The following PCDH15 variants were observed in gnomAD, a reference collection of about 807,000 sequenced individuals.
PCDH15 encodes protocadherin-15.
In PCDH15, 129 loss-of-function variants were observed where a neutral mutation model predicts 178.5. The observed-to-expected ratio is 0.72, with a 90% CI of 0.63 to 0.84. The LOEUF (loss-of-function observed/expected upper bound fraction) is 0.84. Ranked by LOEUF, PCDH15 falls within the 40% of genes least tolerant of loss-of-function variation. PCDH15 has a pLI of 0.00. For synonymous variants in PCDH15, 800 were observed against 732.0 expected (o/e 1.09, Z -1.50); for missense variants, 2,230 against 2,099.9 (o/e 1.06, Z -1.21).
chr10:53,887,218 C>T (rs769349692), intron 26 of PCDH15, among the ~76,000 whole-genome samples: 23 of 152,138 alleles, frequency 1.5e-4, no homozygotes, highest in Middle Eastern at 3.2e-3. Flanking sequence ...AGTATTTCGT[C>T]TTCCTAAAAC....
chr10:54,517,923 G>T (rs935308733), intron 3 of PCDH15, among the ~76,000 whole-genome samples: 1 of 151,922 alleles, frequency 6.6e-6, no homozygotes, highest in African/African-American at 2.4e-5. Context: ...AAAACCACTC[G>T]ACTACATGGA....
chr10:53,821,211 A>G, intron 32 of PCDH15: 1 of 965,196 alleles, frequency 1.0e-6, no homozygotes, highest in Non-Finnish European at 1.2e-6. Context: ...ATCCATAAGC[A>G]TACTACTAAA....
intron 2 of PCDH15, among the ~76,000 whole-genome samples, chr10:54,655,280 G>GAGAGAGAGAGAGAC (rs2094362405): frequency 8.0e-6 from 1 of 125,446 alleles, no homozygotes; most frequent in Admixed American, 7.5e-5. Flanking sequence ...GAGAGAGAGA[G>GAGAGAGAGAGAGAC]AGAGAGAGAG....
intron 4 of PCDH15, among the ~76,000 whole-genome samples, chr10:54,374,645 TCTTCC>T (rs1011781594): frequency 6.6e-6 from 1 of 152,130 alleles, no homozygotes. Context: ...ATTTTGTAAC[TCTTCC>T]TTTCTTTTTT....
intron 2 of PCDH15, among the ~76,000 whole-genome samples, chr10:55,101,736 A>G (rs1842581763): frequency 6.6e-6 from 1 of 151,516 alleles, no homozygotes; most frequent in Non-Finnish European, 1.5e-5. Context: ...ATATATAGAA[A>G]CATATATAAT....
At chr10:54,604,195 T>C (rs2092655356) in intron 2 of PCDH15, among the ~76,000 whole-genome samples, 1 of 151,990 alleles carries the variant, frequency 6.6e-6, no homozygotes, top group Non-Finnish European at 1.5e-5. Flanking sequence ...TGTTATCTAA[T>C]AGGTGATCTA....
At chr10:55,460,340 T>C (rs900583273) in intron 2 of PCDH15, among the ~76,000 whole-genome samples, 10 of 152,060 alleles carry the variant, frequency 6.6e-5, no homozygotes, top group Non-Finnish European at 4.4e-5. Flanking sequence ...GCACATTTAA[T>C]GTAGTAGGCA....
chr10:54,455,124 A>G (rs1250945195), intron 3 of PCDH15, among the ~76,000 whole-genome samples: 1 of 152,094 alleles, frequency 6.6e-6, no homozygotes, highest in East Asian at 1.9e-4. Context: ...ATATGATTGT[A>G]TGTTTCCTGA....
chr10:54,513,957 C>T (rs2081960256), intron 3 of PCDH15, among the ~76,000 whole-genome samples: 1 of 152,206 alleles, frequency 6.6e-6, no homozygotes, highest in South Asian at 2.1e-4. Context: ...ATATTAGCCA[C>T]AGGCTTGCAT....
At chr10:55,243,999 T>C (rs977833241) in intron 1 of PCDH15, among the ~76,000 whole-genome samples, 13 of 152,076 alleles carry the variant, frequency 8.5e-5, no homozygotes, top group Non-Finnish European at 2.9e-5. Context: ...CTGGATTTTA[T>C]ATATTATATA....
chr10:54,300,156 A>G (rs972712502), intron 8 of PCDH15, among the ~76,000 whole-genome samples: 1 of 152,120 alleles, frequency 6.6e-6, no homozygotes, highest in Non-Finnish European at 1.5e-5. Flanking sequence ...TTAGGGGAAG[A>G]GTGTTGTTTT....
At chr10:55,395,727 A>G (rs928033478) in intron 2 of PCDH15, among the ~76,000 whole-genome samples, 1 of 152,090 alleles carries the variant, frequency 6.6e-6, no homozygotes, top group Non-Finnish European at 1.5e-5. Context: ...GTATTATTTT[A>G]CATTGTTAAA....
chr10:54,022,019 T>C (rs777466239), intron 19 of PCDH15, among the ~76,000 whole-genome samples: 2 of 152,102 alleles, frequency 1.3e-5, no homozygotes, highest in Admixed American at 6.6e-5. Flanking sequence ...TTTAGATTTG[T>C]TAATGTTTAT....
At chr10:54,623,950 G>T (rs1279976095) in intron 2 of PCDH15, among the ~76,000 whole-genome samples, 1 of 152,012 alleles carries the variant, frequency 6.6e-6, no homozygotes, top group Non-Finnish European at 1.5e-5. Flanking sequence ...ATTTTAAAAT[G>T]AAATCATATG....
intron 5 of PCDH15, among the ~76,000 whole-genome samples, chr10:54,352,332 T>G (rs75047508): frequency 0.025 from 3,823 of 152,208 alleles, 156 homozygotes; most frequent in African/African-American, 0.087. Context: ...TAATACCTCT[T>G]CAACTGGAAG....
chr10:55,608,830 C>T (rs1295179703), intron 2 of PCDH15, among the ~76,000 whole-genome samples: 1 of 151,968 alleles, frequency 6.6e-6, no homozygotes, highest in Non-Finnish European at 1.5e-5. Flanking sequence ...CCTGGCATTT[C>T]ATTATCTGGA....
chr10:54,634,954 C>G (rs2093808283), intron 2 of PCDH15, among the ~76,000 whole-genome samples: 1 of 151,564 alleles, frequency 6.6e-6, no homozygotes, highest in South Asian at 2.1e-4. Flanking sequence ...TACACGGCCT[C>G]TTTAGGAAGA....
At chr10:54,879,466 G>T (rs987062114) in intron 3 of PCDH15, among the ~76,000 whole-genome samples, 6 of 152,016 alleles carry the variant, frequency 3.9e-5, no homozygotes, top group East Asian at 1.9e-4. Context: ...AAATTAGAAA[G>T]ATTTTATTCA....
intron 1 of PCDH15, among the ~76,000 whole-genome samples, chr10:55,201,674 T>C (rs1180232239): frequency 6.6e-6 from 1 of 152,178 alleles, no homozygotes; most frequent in Non-Finnish European, 1.5e-5. Flanking sequence ...ATTGATGACA[T>C]TCCACTGATA....
Sources: gnomAD v4.1 joint callset for allele counts (sites outside exome capture counted in the v4.1 genomes callset) on GRCh38, gnomAD v4.1.1 for gene constraint, MANE v1.5 for transcripts, NCBI Gene and HGNC (gene_info 2026-07-23, HGNC 2026-07-21) for gene names.